PDZRN3: variants seen among roughly 807,000 people sequenced by gnomAD.
The protein encoded by PDZRN3 is E3 ubiquitin-protein ligase PDZRN3.
PDZRN3 carries 38 observed loss-of-function variants against 85.7 expected under a neutral mutation model. The ratio of observed to expected loss-of-function variants is 0.44; its 90% CI spans 0.34 to 0.58. PDZRN3 has a LOEUF of 0.58. PDZRN3 is among the 20% of genes least tolerant of loss of function. The probability of loss-of-function intolerance (pLI) is 0.01; values close to 1 mark genes in which losing one functional copy is unlikely to be tolerated. For missense variants in PDZRN3, 1,629 were observed against 1,506.4 expected (o/e 1.08, Z -1.35); for synonymous variants, 759 against 638.0 (o/e 1.19, Z -2.86).
At chr3:73,552,261 C>G (rs1479457681) in intron 3 of PDZRN3, among the ~76,000 whole-genome samples, 1 of 135,826 alleles carries the variant, frequency 7.4e-6, no homozygotes, top group Non-Finnish European at 1.6e-5. Context: ...TGTGTGTGTA[C>G]CCAAACACCT....
intron 5 of PDZRN3, among the ~76,000 whole-genome samples, chr3:73,398,057 A>C (rs1388565145): frequency 6.6e-6 from 1 of 152,226 alleles, no homozygotes; most frequent in African/African-American, 2.4e-5. Flanking sequence ...AATGAACAGA[A>C]TTGAAAATAA....
chr3:73,569,187 T>C (rs1173961453), intron 3 of PDZRN3: 1 of 1,289,640 alleles, frequency 7.8e-7, no homozygotes, highest in Admixed American at 2.3e-5. Flanking sequence ...TACTCTTTGA[T>C]TCATCAGGAG....
At chr3:73,430,345 G>A (rs76600787) in intron 3 of PDZRN3, among the ~76,000 whole-genome samples, 9,004 of 152,234 alleles carry the variant, frequency 0.059, 264 homozygotes, top group Middle Eastern at 0.15. Context: ...TGTGCATGCA[G>A]ACTTTAGGAC....
chr3:73,517,289 C>A (rs1485088298), intron 3 of PDZRN3, among the ~76,000 whole-genome samples: 2 of 152,182 alleles, frequency 1.3e-5, no homozygotes, highest in African/African-American at 4.8e-5. Flanking sequence ...CAATTCAGAA[C>A]AAATCACAGT....
intron 3 of PDZRN3, among the ~76,000 whole-genome samples, chr3:73,528,821 T>G (rs1235985023): frequency 6.6e-6 from 1 of 151,446 alleles, no homozygotes; most frequent in African/African-American, 2.4e-5. Flanking sequence ...CTTTTTGGAG[T>G]GGAGGAAGAA....
intron 3 of PDZRN3, among the ~76,000 whole-genome samples, chr3:73,410,888 C>A (rs17011113): frequency 4.6e-5 from 7 of 152,092 alleles, no homozygotes; most frequent in Admixed American, 4.6e-4. Flanking sequence ...CAGTATGAAT[C>A]GAAAAATTAA....
chr3:73,418,153 T>C (rs1449231348), intron 3 of PDZRN3, among the ~76,000 whole-genome samples: 1 of 152,246 alleles, frequency 6.6e-6, no homozygotes, highest in Non-Finnish European at 1.5e-5. Flanking sequence ...AGAAGGGCTT[T>C]AAAATATGGC....
rs186298026 is a variant in PDZRN3, at chr3:73,507,351, A to C, written c.918+95003T>G. ...ATGCCTGGATAATTTTTGTATTTTT[A>C]GTAGAGATGGGGTTTCACCATGTTG... On this transcript the variant is annotated intron_variant, in intron 3 of 9. Transcript: ENST00000263666. Among the ~76,000 whole-genome samples, 59 of 152,184 alleles carry C rather than the reference A, an allele frequency of 3.9e-4. 1 individual carries two copies. In the East Asian group the frequency reaches 0.011, roughly 28 times the overall value.
intron 3 of PDZRN3, among the ~76,000 whole-genome samples, chr3:73,587,066 G>A (rs1485245925): frequency 6.6e-6 from 1 of 152,176 alleles, no homozygotes; most frequent in Non-Finnish European, 1.5e-5. Flanking sequence ...ACAGACCCCA[G>A]GGTACAATAT....
chr3:73,458,852 C>T (rs1364030651), intron 3 of PDZRN3, among the ~76,000 whole-genome samples: 4 of 151,388 alleles, frequency 2.6e-5, no homozygotes, highest in African/African-American at 4.9e-5. Context: ...ATTAACCAGG[C>T]GTAGTGGCAC....
chr3:73,385,626 G>T, intron 9 of PDZRN3, 43 bp downstream of exon 9: 2 of 1,200,664 alleles, frequency 1.7e-6, no homozygotes, highest in Non-Finnish European at 2.5e-6. Flanking sequence ...TTTTCCTCCA[G>T]CTCAGCAGGG....
intron 3 of PDZRN3, among the ~76,000 whole-genome samples, chr3:73,474,814 G>A (rs914890781): frequency 2.0e-5 from 3 of 152,114 alleles, no homozygotes; most frequent in Admixed American, 1.3e-4. Flanking sequence ...ACCAAGGGGT[G>A]GATGGTGAGG....
chr3:73,391,170 G>A (rs1175059382), intron 5 of PDZRN3, 54 bp from the exon 6 acceptor site: 3 of 1,065,848 alleles, frequency 2.8e-6, no homozygotes, highest in African/African-American at 3.1e-5. Context: ...GCGAGTTGAG[G>A]GGATGTCAAA....
chr3:73,478,548 A>C (rs1575680467), intron 3 of PDZRN3, among the ~76,000 whole-genome samples: 1 of 150,956 alleles, frequency 6.6e-6, no homozygotes, highest in South Asian at 2.1e-4. Flanking sequence ...ATAATAATAT[A>C]ATAATAATGT....
In PDZRN3 at chr3:73,624,742, C is replaced by A; in HGVS notation, c.84G>T (p.Pro28=). The change falls in exon 1 of 10, where the codon CCG becomes CCT. Residue 28 remains proline (P), a synonymous_variant. Transcript: ENST00000263666. Reference sequence around the variant, plus strand: ...AGACGTGGCCGCACGGCGTGGTCAGCGGGTCCTCCAGGACCTTGTGGCACA... The same window carrying A: ...AGACGTGGCCGCACGGCGTGGTCAGAGGGTCCTCCAGGACCTTGTGGCACA... ...CALCHKVLED[P]LTTPCGHVFC... is the part of the protein sequence containing the mutation. 3 of 1,527,564 alleles carry A rather than the reference C, an allele frequency of 2.0e-6. No homozygotes were observed. The highest frequency in any genetic ancestry group is 1.2e-5 in the South Asian group (1 of 82,290). 94.6% of individuals were successfully genotyped at this position (1,527,564 alleles called of 1,614,324 possible).
intron 3 of PDZRN3, among the ~76,000 whole-genome samples, chr3:73,449,059 G>GAGAA (rs1401458724): frequency 6.6e-6 from 1 of 152,186 alleles, no homozygotes; most frequent in Admixed American, 6.5e-5. Context: ...GGTCTTTGCA[G>GAGAA]AGAAAGGGGG....
intron 3 of PDZRN3, among the ~76,000 whole-genome samples, chr3:73,536,365 C>T (rs1199619858): frequency 6.6e-6 from 1 of 152,228 alleles, no homozygotes; most frequent in African/African-American, 2.4e-5. Flanking sequence ...GAGTGTGTCC[C>T]ACAATGGGAT....
intron 2 of PDZRN3, among the ~76,000 whole-genome samples, chr3:73,604,464 C>G (rs1330893392): frequency 6.6e-6 from 1 of 152,200 alleles, no homozygotes; most frequent in Non-Finnish European, 1.5e-5. Context: ...AGTGGTATGG[C>G]TCAGTTTCAA....
chr3:73,558,811 C>T (rs1332928980), intron 3 of PDZRN3, among the ~76,000 whole-genome samples: 1 of 152,340 alleles, frequency 6.6e-6, no homozygotes, highest in African/African-American at 2.4e-5. Context: ...TAATCATGGA[C>T]TCTCTTAAGC....
Sources: allele counts gnomAD v4.1 joint callset (sites outside exome capture counted in the v4.1 genomes callset), GRCh38; gene constraint gnomAD v4.1.1; transcripts MANE v1.5; gene names NCBI Gene and HGNC (gene_info 2026-07-23, HGNC 2026-07-21).